Variants in LINGO1 observed in about 807,000 individuals in gnomAD.
LINGO1 encodes the protein leucine-rich repeat and immunoglobulin-like domain-containing nogo receptor-interacting protein 1.
LINGO1 carries 11 observed loss-of-function variants against 37.3 expected under a neutral mutation model. That is an observed-to-expected ratio of 0.29 (90% confidence interval 0.19 to 0.49). The LOEUF is 0.49. LINGO1 is among the 20% of genes least tolerant of loss of function. LINGO1 has a pLI of 0.99. For synonymous variants in LINGO1, 387 were observed against 403.0 expected (o/e 0.96, Z 0.48); for missense variants, 585 against 878.2 (o/e 0.67, Z 4.22).
At chr15:77,627,464 C>T (rs893068608) in intron 1 of LINGO1, among the ~76,000 whole-genome samples, 12 of 152,162 alleles carry the variant, frequency 7.9e-5, no homozygotes, top group African/African-American at 2.2e-4. Flanking sequence ...ACCCCTCATT[C>T]GATCCATGAG....
rs907105421 is a variant in LINGO1, at chr15:77,754,516, C to T, written c.-256-19463G>A. Among the ~76,000 whole-genome samples the T allele has an allele frequency of 2.5e-4, 38 of 152,222 alleles. 1 individual carries two copies. The highest frequency in any genetic ancestry group is 8.8e-5 in the Non-Finnish European group (6 of 68,034). ...CAGCCCAAGTTCTCCAAGTGCTTTG[C>T]CAACATTAATTAATTCATTAGGCAC... is the stretch of plus-strand genomic sequence containing the variant. On this transcript the variant is annotated intron_variant, in intron 1 of 3. Transcript: ENST00000561686.
chr15:77,721,814 G>A (rs182009518), intron 2 of LINGO1, among the ~76,000 whole-genome samples: 4 of 151,922 alleles, frequency 2.6e-5, no homozygotes, highest in Admixed American at 2.6e-4. Context: ...CTCCCACCCC[G>A]GGCCTCAGCT....
At chr15:77,689,458 G>A (rs2075566412) in intron 2 of LINGO1, among the ~76,000 whole-genome samples, 1 of 152,210 alleles carries the variant, frequency 6.6e-6, no homozygotes, top group Non-Finnish European at 1.5e-5. Context: ...AGGGTGGGCT[G>A]CTGCAGCTCA....
intron 2 of LINGO1, among the ~76,000 whole-genome samples, chr15:77,717,797 A>G (rs1289421870): frequency 6.6e-6 from 1 of 150,750 alleles, no homozygotes; most frequent in African/African-American, 2.4e-5. Context: ...CTCAGACCCC[A>G]TTGGATACCT....
intron 1 of LINGO1, among the ~76,000 whole-genome samples, chr15:77,754,853 G>A (rs892784851): frequency 2.0e-5 from 3 of 152,240 alleles, no homozygotes; most frequent in Admixed American, 1.3e-4. Context: ...AGTCACTGAG[G>A]ACCCTGGGAA....
chr15:77,686,016 C>T (rs892653688), intron 2 of LINGO1, among the ~76,000 whole-genome samples: 2 of 152,162 alleles, frequency 1.3e-5, no homozygotes, highest in Non-Finnish European at 2.9e-5. Flanking sequence ...GTGGCTTCTC[C>T]AGCCCGGCTA....
At chr15:77,621,611 G>C (rs924513299) in intron 1 of LINGO1, among the ~76,000 whole-genome samples, 7 of 152,192 alleles carry the variant, frequency 4.6e-5, no homozygotes, top group Non-Finnish European at 1.0e-4. Flanking sequence ...GCTAGGGTGA[G>C]GCCCCAGGGC....
chr15:77,710,963 G>A (rs1012663843), intron 2 of LINGO1, among the ~76,000 whole-genome samples: 12 of 152,324 alleles, frequency 7.9e-5, no homozygotes, highest in East Asian at 1.9e-4. Flanking sequence ...AGATTGAGAC[G>A]TCTGCAGGAG....
chr15:77,789,475 C>T (rs569726382), upstream of LINGO1, among the ~76,000 whole-genome samples: 1 of 152,168 alleles, frequency 6.6e-6, no homozygotes, highest in East Asian at 1.9e-4. Context: ...GGTGTGGTGG[C>T]GCATGCCGGT....
rs140409846 is a variant in LINGO1 at position 77,703,378 on chromosome 15, C to T, written c.-194-12477G>A. On this transcript the variant is annotated intron_variant, in intron 2 of 3. Coordinates refer to the LINGO1 transcript ENST00000561686. ...TCGTGTCCTCGTGGGTTTTCAGTTC[C>T]TACGAGGGTTTTGAGCCAGGAGGAG... is the stretch of plus-strand genomic sequence containing the variant. Among the ~76,000 whole-genome samples, 51 of 152,284 alleles carry T rather than the reference C, an allele frequency of 3.3e-4. No individual in the cohort carries two copies. The East Asian group carries it at 9.1e-3, about 27-fold the overall frequency.
intron 1 of LINGO1, among the ~76,000 whole-genome samples, chr15:77,797,454 G>A (rs971270581): frequency 2.0e-5 from 3 of 152,332 alleles, no homozygotes; most frequent in East Asian, 1.9e-4. Flanking sequence ...TGTGATTTCC[G>A]GATGTGTGCT....
upstream of LINGO1, among the ~76,000 whole-genome samples, chr15:77,699,533 C>A (rs890903699): frequency 2.8e-4 from 12 of 42,796 alleles, no homozygotes; most frequent in East Asian, 1.4e-3. Context: ...TCCCCACACA[C>A]AGTAAGTGCA....
intron 2 of LINGO1, among the ~76,000 whole-genome samples, chr15:77,703,325 A>G (rs894752111): frequency 6.6e-6 from 1 of 152,208 alleles, no homozygotes; most frequent in African/African-American, 2.4e-5. Context: ...TATAGTGCCT[A>G]GAGTCCCACT....
chr15:77,819,701 G>A (rs998281157), intron 1 of LINGO1, among the ~76,000 whole-genome samples: 28 of 150,960 alleles, frequency 1.9e-4, no homozygotes, highest in African/African-American at 6.1e-4. Context: ...GGGCCCCTCC[G>A]GGACCCGCCG....
chr15:77,719,221 C>T (rs2076020117), intron 2 of LINGO1, among the ~76,000 whole-genome samples: 2 of 150,094 alleles, frequency 1.3e-5, no homozygotes, highest in Admixed American at 6.7e-5. Context: ...CCCCTCTGGG[C>T]AGTGACAGGA....
At chr15:77,640,823 TCTC>T (rs1480305288) in intron 3 of LINGO1, among the ~76,000 whole-genome samples, 2 of 130,710 alleles carry the variant, frequency 1.5e-5, no homozygotes, top group African/African-American at 3.0e-5. Flanking sequence ...CATCCATTCA[TCTC>T]CTCATTCATT....
At chr15:77,697,127 G>C (rs927515474), upstream of LINGO1, among the ~76,000 whole-genome samples, 2 of 152,226 alleles carry the variant, frequency 1.3e-5, no homozygotes, top group Non-Finnish European at 2.9e-5. Flanking sequence ...CTGGGCAATA[G>C]AGCCGGGGCT....
intron 1 of LINGO1, among the ~76,000 whole-genome samples, chr15:77,758,562 A>G (rs577778693): frequency 1.6e-4 from 25 of 152,178 alleles, no homozygotes; most frequent in Non-Finnish European, 3.2e-4. Context: ...GGAGGAGGCC[A>G]GGCTTGAGTT....
chr15:77,780,237 G>A (rs940818833), intron 1 of LINGO1, among the ~76,000 whole-genome samples: 28 of 152,116 alleles, frequency 1.8e-4, no homozygotes, highest in Admixed American at 1.6e-3. Flanking sequence ...TGAGGGCCTT[G>A]GAGAGCAGGC....
Sources: allele counts gnomAD v4.1 joint callset (sites outside exome capture counted in the v4.1 genomes callset), GRCh38; gene constraint gnomAD v4.1.1; transcripts MANE v1.5; gene names NCBI Gene and HGNC (gene_info 2026-07-23, HGNC 2026-07-21).